The following PALM2AKAP2 variants were observed in gnomAD, a reference collection of about 807,000 sequenced individuals.
PALM2AKAP2 encodes PALM2-AKAP2 fusion protein.
PALM2AKAP2 carries 37 observed loss-of-function variants against 71.5 expected under a neutral mutation model. The ratio of observed to expected loss-of-function variants is 0.52; its 90% CI spans 0.40 to 0.68. The LOEUF is 0.68. Among genes scored for constraint, PALM2AKAP2 ranks in the 30% least tolerant of loss-of-function variants. The pLI, the probability that PALM2AKAP2 is intolerant of heterozygous loss-of-function variation, is 0.00. For synonymous variants in PALM2AKAP2, 468 were observed against 478.8 expected (o/e 0.98, Z 0.29); for missense variants, 1,224 against 1,191.8 (o/e 1.03, Z -0.40).
chr9:109,821,906 C>T (rs932075393), intron 1 of PALM2AKAP2, among the ~76,000 whole-genome samples: 2 of 152,174 alleles, frequency 1.3e-5, no homozygotes. Context: ...CACTTTGGGA[C>T]CAAAGGAATT....
chr9:110,113,888 G>C (rs1215176015), intron 1 of PALM2AKAP2, among the ~76,000 whole-genome samples: 1 of 152,158 alleles, frequency 6.6e-6, no homozygotes, highest in Non-Finnish European at 1.5e-5. Context: ...CTCTGAGAAG[G>C]CTCGAAAAAT....
At chr9:109,942,478 A>G (rs949478539) in intron 6 of PALM2AKAP2, among the ~76,000 whole-genome samples, 1 of 152,250 alleles carries the variant, frequency 6.6e-6, no homozygotes, top group Admixed American at 6.5e-5. Context: ...GCAACCGTGC[A>G]TCTGTCTTCC....
At chr9:109,817,174 G>A (rs918626926) in intron 1 of PALM2AKAP2, among the ~76,000 whole-genome samples, 1 of 152,168 alleles carries the variant, frequency 6.6e-6, no homozygotes, top group Non-Finnish European at 1.5e-5. Flanking sequence ...TGTCTAGATT[G>A]CCGTGCCCAC....
chr9:110,157,390 T>TTTG (rs56310157), intron 3 of PALM2AKAP2, among the ~76,000 whole-genome samples: 79,841 of 149,688 alleles, frequency 0.53, 21,496 homozygotes, highest in East Asian at 0.77. Context: ...CTTCAACTCT[T>TTTG]TTGTTGTTGT....
chr9:110,032,484 A>G (rs1833297916), intron 7 of PALM2AKAP2, among the ~76,000 whole-genome samples: 1 of 152,022 alleles, frequency 6.6e-6, no homozygotes, highest in Non-Finnish European at 1.5e-5. Context: ...CGAGGTCAGG[A>G]GTTTGAGACT....
chr9:110,137,137 C>T lies in PALM2AKAP2; in HGVS notation c.1167C>T (p.Ala389=), dbSNP rs113212416. 9 of 1,613,518 alleles carry T rather than the reference C, an allele frequency of 5.6e-6. No individual in the cohort carries two copies. The Admixed American group carries it at 1.0e-4, about 18-fold the overall frequency. The stretch of plus-strand genomic sequence containing the variant: ...CATCGCAGCTCTGCACAGCCCCTGC[C>T]TCTTCTCATGAACGCGCAAGCATGA... Residue 389 remains alanine (A), a synonymous_variant, in exon 2 of 4, where the codon GCC becomes GCT. Coordinates refer to ENST00000374525, the Ensembl canonical transcript of PALM2AKAP2.
intron 3 of PALM2AKAP2, among the ~76,000 whole-genome samples, chr9:109,895,453 A>G (rs1830177811): frequency 6.6e-6 from 1 of 152,210 alleles, no homozygotes; most frequent in African/African-American, 2.4e-5. Context: ...CTCTCTCGGG[A>G]CATCCTAAGA....
intron 1 of PALM2AKAP2, among the ~76,000 whole-genome samples, chr9:110,067,530 C>T (rs2118553971): frequency 6.6e-6 from 1 of 152,168 alleles, no homozygotes; most frequent in East Asian, 1.9e-4. Context: ...TCTCCTTCAC[C>T]CAACAATAGA....
chr9:109,921,537 C>T (rs756264080), intron 3 of PALM2AKAP2, among the ~76,000 whole-genome samples: 7 of 152,160 alleles, frequency 4.6e-5, no homozygotes, highest in Non-Finnish European at 8.8e-5. Flanking sequence ...CTTGATAAGA[C>T]TTCTGATAAA....
At chr9:109,841,726 A>G (rs1163902105) in intron 1 of PALM2AKAP2, among the ~76,000 whole-genome samples, 1 of 4,180 alleles carries the variant, frequency 2.4e-4, no homozygotes, top group Non-Finnish European at 4.4e-4. Flanking sequence ...GGGGAGGGTG[A>G]AGGGAAAGAG....
chr9:109,798,404 G>T lies in PALM2AKAP2; in HGVS notation c.45+17871G>T, dbSNP rs535382152. ...TTCTGGCTATGGCAGTAGAAATTGT[G>T]TCCCAGGGGAATGGCTAAGGGGCCT... On this transcript the variant is annotated intron_variant, in intron 1 of 9. Coordinates refer to the PALM2AKAP2 transcript ENST00000302798. Among the ~76,000 whole-genome samples, 61 of 152,300 alleles carry T rather than the reference G, an allele frequency of 4.0e-4. 1 individual carries two copies. The highest frequency in any genetic ancestry group is 1.4e-3 in the African/African-American group (58 of 41,572).
chr9:109,749,417 G>T (rs1042900132), intron 1 of PALM2AKAP2, among the ~76,000 whole-genome samples: 1 of 152,190 alleles, frequency 6.6e-6, no homozygotes, highest in East Asian at 1.9e-4. Flanking sequence ...CTAGATTGCT[G>T]CTGGCTTGCT....
At chr9:110,051,186 G>A (rs371911217) in intron 1 of PALM2AKAP2, among the ~76,000 whole-genome samples, 28 of 152,306 alleles carry the variant, frequency 1.8e-4, no homozygotes, top group East Asian at 1.5e-3. Flanking sequence ...TTATCTCATA[G>A]TTCTGGCATG....
Position 110,035,563 on chromosome 9 carries a change from A to G in PALM2AKAP2, c.582+19524A>G, listed in dbSNP as rs545407355. ...ATGTTGTGTGTTATATATAACATAT[A>G]TAGGATATGTTGTGTTATATATAAC... On this transcript the variant is annotated intron_variant, in intron 7 of 9. Transcript: ENST00000302798. Among the ~76,000 whole-genome samples the G allele has an allele frequency of 4.8e-5, 7 of 144,884 alleles. No individual in the cohort carries two copies. In the South Asian group the frequency reaches 1.5e-3, roughly 32 times the overall value.
intron 2 of PALM2AKAP2, among the ~76,000 whole-genome samples, chr9:110,141,851 G>A (rs980045644): frequency 6.6e-6 from 1 of 152,168 alleles, no homozygotes; most frequent in African/African-American, 2.4e-5. Context: ...TGAGAGCCAA[G>A]ATGTGGTAAG....
At chr9:109,795,545 T>C (rs865929101) in intron 1 of PALM2AKAP2, among the ~76,000 whole-genome samples, 25 of 152,236 alleles carry the variant, frequency 1.6e-4, no homozygotes, top group African/African-American at 5.8e-4. Flanking sequence ...AGCTCCTATG[T>C]GAACTCTAAC....
At chr9:110,161,191 A>G (rs758078169) in intron 3 of PALM2AKAP2, among the ~76,000 whole-genome samples, 7 of 152,234 alleles carry the variant, frequency 4.6e-5, no homozygotes, top group Non-Finnish European at 5.9e-5. Flanking sequence ...CCCAATCATG[A>G]CAGAACTATA....
At chr9:110,137,647 G>A (rs1289983443) in exon 2 of PALM2AKAP2, 1 of 1,613,902 alleles carries the variant, frequency 6.2e-7, no homozygotes, top group African/African-American at 1.3e-5. Flanking sequence ...CCCAAGAGGA[G>A]CTTGACTCTG....
intron 1 of PALM2AKAP2, among the ~76,000 whole-genome samples, chr9:109,846,966 A>G (rs536885331): frequency 6.6e-6 from 1 of 152,208 alleles, no homozygotes; most frequent in Admixed American, 6.5e-5. Flanking sequence ...TCTGTGATTG[A>G]TGACCTAACC....
Sources: gnomAD v4.1 joint callset for allele counts (sites outside exome capture counted in the v4.1 genomes callset) on GRCh38, gnomAD v4.1.1 for gene constraint, MANE v1.5 for transcripts, NCBI Gene and HGNC (gene_info 2026-07-23, HGNC 2026-07-21) for gene names.